The following PID1 variants were observed in gnomAD, a reference collection of about 807,000 sequenced individuals.
The protein encoded by PID1 is PTB-containing, cubilin and LRP1-interacting protein.
In PID1, 10 loss-of-function variants were observed where a neutral mutation model predicts 19.1. That is an observed-to-expected ratio of 0.52 (90% CI 0.32 to 0.89). The LOEUF (loss-of-function observed/expected upper bound fraction) is 0.89. Among genes scored for constraint, PID1 ranks in the 40% least tolerant of loss-of-function variants. The probability of loss-of-function intolerance (pLI) is 0.03; values close to 1 mark genes in which losing one functional copy is unlikely to be tolerated. For synonymous variants in PID1, 130 were observed against 116.0 expected, an observed-to-expected ratio of 1.12 and a Z score of -0.78; for missense variants, 248 against 285.3, an observed-to-expected ratio of 0.87 and a Z score of 0.94.
At chr2:229,071,171 G>A (rs1466905736) in intron 2 of PID1, among the ~76,000 whole-genome samples, 2 of 152,196 alleles carry the variant, frequency 1.3e-5, no homozygotes, top group Non-Finnish European at 2.9e-5. Flanking sequence ...AGTCAGACCA[G>A]AGACATCGCT....
At chr2:229,102,131 C>T (rs73998548) in intron 2 of PID1, among the ~76,000 whole-genome samples, 6 of 152,168 alleles carry the variant, frequency 3.9e-5, no homozygotes, top group East Asian at 1.9e-4. Flanking sequence ...TTCTCCCCTA[C>T]GTCCTCCAGA....
rs1250775022 is a variant in PID1 at position 229,178,271 on chromosome 2, A to G, written c.31-22307T>C. Among the ~76,000 whole-genome samples the G allele has an allele frequency of 4.6e-5, 7 of 152,180 alleles. No homozygotes were observed. In the East Asian group the frequency reaches 1.2e-3, roughly 25 times the overall value. On this transcript the variant is annotated intron_variant, in intron 1 of 2. Coordinates refer to ENST00000392055, the MANE Select transcript of PID1 (RefSeq NM_001100818.2). ...CTCTATCCTCAGGAGAGGGACCACA[A>G]CAGAACCAAAACTTCCCAGTGGGGA... is the stretch of plus-strand genomic sequence containing the variant.
chr2:229,027,547 G>A (rs1439946335), intron 2 of PID1, among the ~76,000 whole-genome samples: 1 of 152,204 alleles, frequency 6.6e-6, no homozygotes, highest in African/African-American at 2.4e-5. Flanking sequence ...GGAAAGGGCA[G>A]GAAGGGGAAC....
At position 229,118,733 on chromosome 2, in the gene PID1, G is replaced by A. The variant is rs542671030; in HGVS notation, c.177+37085C>T. Among the ~76,000 whole-genome samples, 6 of 152,170 alleles carry A rather than the reference G, an allele frequency of 3.9e-5. No homozygotes were observed. The South Asian group carries it at 1.2e-3, about 32-fold the overall frequency. On this transcript the variant is annotated intron_variant, in intron 2 of 2. Transcript: ENST00000392055. Reference sequence around the variant, plus strand: ...TTGGGGGAAAGTACTAAACATGAAAGGACTTTAAGTAAAATACATTCAGAG... The same window carrying A: ...TTGGGGGAAAGTACTAAACATGAAAAGACTTTAAGTAAAATACATTCAGAG...
chr2:229,087,148 AT>A (rs957587386), intron 2 of PID1, among the ~76,000 whole-genome samples: 55 of 151,924 alleles, frequency 3.6e-4, no homozygotes, highest in African/African-American at 9.7e-4. Flanking sequence ...AATTACATTA[AT>A]TTTTTTTTAC....
In PID1 at chr2:229,271,004, T is replaced by A. The variant is rs1690723210; in HGVS notation, c.30+10A>T. On this transcript the variant is annotated intron_variant, in intron 1 of 2. Transcript: ENST00000392055. ...TCCAGGCTGGCCCCCGGCTCCCGGG[T>A]GCCCCTTACCTGCAGGCGCTCCGTG... The A allele has an allele frequency of 1.9e-6, 3 of 1,539,876 alleles. No individual in the cohort carries two copies. Among genetic ancestry groups the A allele is most frequent in the Admixed American group, 4.0e-5 (2 of 50,096 alleles).
chr2:229,077,214 C>G (rs12069731), intron 2 of PID1, among the ~76,000 whole-genome samples: 1 of 152,216 alleles, frequency 6.6e-6, no homozygotes, highest in South Asian at 2.1e-4. Flanking sequence ...TCATATCCTT[C>G]GCCAACTTTT....
At chr2:229,084,914 T>C (rs907451098) in intron 2 of PID1, among the ~76,000 whole-genome samples, 6 of 100,080 alleles carry the variant, frequency 6.0e-5, no homozygotes. Context: ...CTGCTTTATT[T>C]TCCTTAGTAG....
intron 2 of PID1, among the ~76,000 whole-genome samples, chr2:229,095,118 C>T (rs538008991): frequency 1.3e-5 from 2 of 152,258 alleles, no homozygotes; most frequent in South Asian, 2.1e-4. Flanking sequence ...ACTTCCCATA[C>T]CCTTCCCTAA....
chr2:229,198,046 C>T (rs1691413400), intron 1 of PID1, among the ~76,000 whole-genome samples: 1 of 151,920 alleles, frequency 6.6e-6, no homozygotes, highest in Non-Finnish European at 1.5e-5. Context: ...ATTACAAAAC[C>T]GCTGATAGCT....
At chr2:229,089,486 C>T (rs560043497) in intron 2 of PID1, among the ~76,000 whole-genome samples, 33 of 152,072 alleles carry the variant, frequency 2.2e-4, no homozygotes, top group Non-Finnish European at 3.1e-4. Context: ...CCCTAGACGC[C>T]GCCATTTCCC....
chr2:229,030,927 A>C (rs1559201218), intron 2 of PID1, among the ~76,000 whole-genome samples: 1 of 152,128 alleles, frequency 6.6e-6, no homozygotes, highest in Admixed American at 6.5e-5. Flanking sequence ...TCAAAGAAAT[A>C]CTGTTAATGG....
intron 2 of PID1, among the ~76,000 whole-genome samples, chr2:229,057,608 T>C (rs1574592872): frequency 3.1e-5 from 4 of 127,880 alleles, no homozygotes; most frequent in Admixed American, 3.1e-4. Context: ...TATGAAAAAA[T>C]AATAATTTAG....
intron 2 of PID1, among the ~76,000 whole-genome samples, chr2:229,122,942 G>A (rs979340230): frequency 1.1e-4 from 17 of 152,072 alleles, no homozygotes; most frequent in Non-Finnish European, 2.5e-4. Context: ...CTCCCAGGCG[G>A]CATTATGTTT....
chr2:229,250,494 G>A (rs770462284), intron 1 of PID1, among the ~76,000 whole-genome samples: 4 of 152,148 alleles, frequency 2.6e-5, no homozygotes, highest in East Asian at 1.9e-4. Flanking sequence ...AAGGTTCTAC[G>A]GCAAATAAAA....
At chr2:229,153,440 C>T (rs72977153) in intron 2 of PID1, among the ~76,000 whole-genome samples, 14,866 of 152,120 alleles carry the variant, frequency 0.098, 964 homozygotes, top group South Asian at 0.23. Flanking sequence ...TTATATAGCC[C>T]GGTGGAATGT....
intron 2 of PID1, among the ~76,000 whole-genome samples, chr2:229,109,571 C>T (rs557917426): frequency 1.3e-5 from 2 of 152,248 alleles, no homozygotes; most frequent in South Asian, 2.1e-4. Context: ...TGACTTAAGA[C>T]CTCTGTCAAT....
At chr2:229,189,835 A>C (rs146844020) in intron 1 of PID1, among the ~76,000 whole-genome samples, 80 of 152,320 alleles carry the variant, frequency 5.3e-4, no homozygotes, top group African/African-American at 1.9e-3. Flanking sequence ...AAAATGTGGG[A>C]GTGCCTCATG....
At chr2:229,201,980 A>G (rs1026336240) in intron 1 of PID1, among the ~76,000 whole-genome samples, 1 of 152,046 alleles carries the variant, frequency 6.6e-6, no homozygotes. Flanking sequence ...GGCTCCCACA[A>G]TATTTTTTAG....
Sources: allele counts gnomAD v4.1 joint callset (sites outside exome capture counted in the v4.1 genomes callset), GRCh38; gene constraint gnomAD v4.1.1; transcripts MANE v1.5; gene names NCBI Gene and HGNC (gene_info 2026-07-23, HGNC 2026-07-21).